KIF26B: variants seen among roughly 807,000 people sequenced by gnomAD.
The protein encoded by KIF26B is kinesin-like protein KIF26B.
KIF26B carries 63 observed loss-of-function variants against 151.2 expected under a neutral mutation model. The observed-to-expected ratio is 0.42, with a 90% CI of 0.34 to 0.51. The LOEUF (loss-of-function observed/expected upper bound fraction) is 0.51, where lower values mean the gene tolerates loss of function less well. KIF26B is among the 20% of genes least tolerant of loss of function. The probability of loss-of-function intolerance (pLI) is 0.07; values close to 1 mark genes in which losing one functional copy is unlikely to be tolerated. For missense variants in KIF26B, 2,813 were observed against 2,913.6 expected, an observed-to-expected ratio of 0.97 and a Z score of 0.79; for synonymous variants, 1,357 against 1,262.1, an observed-to-expected ratio of 1.08 and a Z score of -1.59.
intron 4 of KIF26B, among the ~76,000 whole-genome samples, chr1:245,485,506 C>T (rs1430071131): frequency 6.6e-6 from 1 of 151,982 alleles, no homozygotes; most frequent in African/African-American, 2.4e-5. Context: ...GCCCCAGCCT[C>T]CCAAGTACCT....
At chr1:245,164,970 C>A (rs1045150529) in intron 2 of KIF26B, among the ~76,000 whole-genome samples, 67 of 152,052 alleles carry the variant, frequency 4.4e-4, no homozygotes, top group Non-Finnish European at 1.0e-4. Context: ...CTACTCGGGG[C>A]TGAGGCAGGA....
intron 10 of KIF26B, among the ~76,000 whole-genome samples, chr1:245,668,033 T>C (rs1348434014): frequency 2.0e-5 from 3 of 152,316 alleles, no homozygotes; most frequent in Admixed American, 6.5e-5. Context: ...GTAACTGGGA[T>C]TACAGGCACA....
chr1:245,682,274 C>A (rs893399399), intron 10 of KIF26B, among the ~76,000 whole-genome samples: 1 of 152,134 alleles, frequency 6.6e-6, no homozygotes, highest in Non-Finnish European at 1.5e-5. Context: ...AAAAAGTCAT[C>A]GAAATGACAG....
chr1:245,701,389 A>T (rs1340001951), intron 14 of KIF26B, among the ~76,000 whole-genome samples: 1 of 152,190 alleles, frequency 6.6e-6, no homozygotes, highest in Non-Finnish European at 1.5e-5. Flanking sequence ...TGATGTGGTC[A>T]TAGAATGATG....
chr1:245,388,685 C>G (rs1021985121), intron 3 of KIF26B, among the ~76,000 whole-genome samples: 4 of 152,134 alleles, frequency 2.6e-5, no homozygotes, highest in Non-Finnish European at 5.9e-5. Context: ...GGCTAACAGC[C>G]CTTCTCCCAT....
intron 2 of KIF26B, among the ~76,000 whole-genome samples, chr1:245,363,789 G>C (rs1483745180): frequency 6.6e-6 from 1 of 152,208 alleles, no homozygotes; most frequent in East Asian, 1.9e-4. Flanking sequence ...CCCTGGACGA[G>C]AGAGGAATGG....
intron 9 of KIF26B, among the ~76,000 whole-genome samples, chr1:245,638,258 G>A (rs1401255065): frequency 6.6e-6 from 1 of 151,674 alleles, no homozygotes; most frequent in Non-Finnish European, 1.5e-5. Context: ...TGTTGTGATT[G>A]CTTTCTTGAT....
Position 245,705,968 on chromosome 1 carries a change from C to T in KIF26B, c.*3362C>T, listed in dbSNP as rs2044836059. 6.6e-6 allele frequency: 1 copy of T among 152,184 alleles called. No homozygotes were observed. The highest frequency in any genetic ancestry group is 2.1e-4 in the South Asian group (1 of 4,836). 9.4% of individuals were successfully genotyped at this position (152,184 alleles called of 1,614,324 possible). On this transcript the variant is annotated 3_prime_UTR_variant, in exon 15 of 15. Coordinates refer to ENST00000407071, the MANE Select transcript of KIF26B (RefSeq NM_018012.4). ...AGTTGCCATTCTTAACATGGGGGAG[C>T]ATTAAGATGCAAATGCAGAGATGTG...
chr1:245,266,910 T>C (rs1425034183), intron 2 of KIF26B, among the ~76,000 whole-genome samples: 3 of 152,238 alleles, frequency 2.0e-5, no homozygotes, highest in African/African-American at 4.8e-5. Context: ...ATTCATGGCA[T>C]ATAGTAAACC....
intron 2 of KIF26B, among the ~76,000 whole-genome samples, chr1:245,165,675 CAAG>C (rs1668604155): frequency 6.6e-6 from 1 of 151,956 alleles, no homozygotes; most frequent in Non-Finnish European, 1.5e-5. Flanking sequence ...GAAGACAGAC[CAAG>C]AAGGAGGGAC....
chr1:245,220,295 T>G (rs1434148558), intron 2 of KIF26B, among the ~76,000 whole-genome samples: 1 of 152,214 alleles, frequency 6.6e-6, no homozygotes, highest in Non-Finnish European at 1.5e-5. Flanking sequence ...CCGTGGATGT[T>G]CCCGTCTAAT....
Position 245,512,152 on chromosome 1 carries a change from ACTTG to A in KIF26B, c.1167-28613_1167-28610del, listed in dbSNP as rs1292186147. ...ATGCAGCTATTTCTGGCTTCTTAAAACTTGCATAGATTTGGAAGTGGGATTTCTA... is the reference window on the plus strand; with the variant it reads ...ATGCAGCTATTTCTGGCTTCTTAAAACATAGATTTGGAAGTGGGATTTCTA... On this transcript the variant is annotated intron_variant, in intron 4 of 14. Coordinates refer to ENST00000407071, the MANE Select transcript of KIF26B (RefSeq NM_018012.4). This position sits in a 1 kb window ranked among gnomAD's most constrained non-coding sequence, Gnocchi z 4.3. Among the ~76,000 whole-genome samples the A allele has an allele frequency of 6.6e-6, 1 of 152,194 alleles. No individual in the cohort carries two copies. The highest frequency in any genetic ancestry group is 2.4e-5 in the African/African-American group (1 of 41,442).
At chr1:245,487,796 G>A (rs1279736198) in intron 4 of KIF26B, among the ~76,000 whole-genome samples, 5 of 141,010 alleles carry the variant, frequency 3.5e-5, no homozygotes, top group African/African-American at 1.1e-4. Context: ...CAAGAGTCTC[G>A]CTCTGTCTCA....
intron 4 of KIF26B, among the ~76,000 whole-genome samples, chr1:245,464,981 CTT>C (rs34890904): frequency 0.44 from 59,254 of 136,044 alleles, 12,977 homozygotes; most frequent in Middle Eastern, 0.47. Flanking sequence ...TACCTCATGC[CTT>C]TTTTTTTTTT....
intron 10 of KIF26B, among the ~76,000 whole-genome samples, chr1:245,664,954 C>T (rs751995644): frequency 4.6e-5 from 7 of 152,114 alleles, no homozygotes; most frequent in Non-Finnish European, 1.0e-4. Context: ...TTCTGTTTCT[C>T]TTGATAGAAT....
intron 2 of KIF26B, among the ~76,000 whole-genome samples, chr1:245,222,369 G>A (rs996348135): frequency 5.3e-5 from 8 of 152,072 alleles, no homozygotes; most frequent in African/African-American, 1.9e-4. Context: ...CCCGGGAGGC[G>A]GAGGTTGCAG....
chr1:245,321,123 C>T (rs533525487), intron 2 of KIF26B, among the ~76,000 whole-genome samples: 1 of 151,490 alleles, frequency 6.6e-6, no homozygotes, highest in Non-Finnish European at 1.5e-5. Flanking sequence ...CGTTTCACTA[C>T]CCTAAAGCCC....
intron 10 of KIF26B, among the ~76,000 whole-genome samples, chr1:245,683,218 T>C (rs4658467): frequency 0.56 from 85,735 of 151,900 alleles, 25,542 homozygotes; most frequent in Non-Finnish European, 0.68. Flanking sequence ...TTGCAGGGGA[T>C]GGGTGATGAG....
At chr1:245,591,355 T>C (rs1164285974) in intron 5 of KIF26B, among the ~76,000 whole-genome samples, 1 of 152,216 alleles carries the variant, frequency 6.6e-6, no homozygotes, top group African/African-American at 2.4e-5. Flanking sequence ...GAGCACTTAC[T>C]ATGTCACTGA....
Sources: allele counts gnomAD v4.1 joint callset (sites outside exome capture counted in the v4.1 genomes callset), GRCh38; gene constraint gnomAD v4.1.1; non-coding constraint Gnocchi (gnomAD v3.1); transcripts MANE v1.5; gene names NCBI Gene and HGNC (gene_info 2026-07-23, HGNC 2026-07-21).